ANKRD11: variants seen among roughly 807,000 people sequenced by gnomAD.
ANKRD11 encodes the protein ankyrin repeat domain-containing protein 11.
Under a neutral mutation model 195.7 loss-of-function variants are expected in ANKRD11, and 17 were observed. The ratio of observed to expected loss-of-function variants is 0.09; its 90% confidence interval spans 0.06 to 0.13. The LOEUF is 0.13. Among genes scored for constraint, ANKRD11 ranks in the 10% least tolerant of loss-of-function variants. The probability of loss-of-function intolerance (pLI) is 1.00; values close to 1 mark genes in which losing one functional copy is unlikely to be tolerated. For missense variants in ANKRD11, 3,735 were observed against 3,566.1 expected (o/e 1.05, Z -1.21); for synonymous variants, 1,953 against 1,528.1 (o/e 1.28, Z -6.49).
chr16:89,354,988 G>C (rs1442359889), intron 2 of ANKRD11, among the ~76,000 whole-genome samples: 6 of 152,286 alleles, frequency 3.9e-5, no homozygotes, highest in Middle Eastern at 3.4e-3. Context: ...CCAAGTCCCA[G>C]GAAATGCACA....
At chr16:89,422,055 TC>T (rs1205299371) in intron 1 of ANKRD11, 3 of 152,146 alleles carry the variant, frequency 2.0e-5, no homozygotes, top group African/African-American at 7.2e-5. Flanking sequence ...CTCTTACCAC[TC>T]TGGACTCCTT....
intron 2 of ANKRD11, among the ~76,000 whole-genome samples, chr16:89,391,533 T>C (rs1009739529): frequency 2.0e-5 from 3 of 152,232 alleles, no homozygotes; most frequent in Admixed American, 6.5e-5. Flanking sequence ...TTTTCTGTGT[T>C]GACTGTCGCT....
intron 2 of ANKRD11, among the ~76,000 whole-genome samples, chr16:89,381,814 T>TG (rs1043522608): frequency 6.6e-6 from 1 of 152,032 alleles, no homozygotes; most frequent in African/African-American, 2.4e-5. Context: ...CCCACGCGAA[T>TG]GGGGGGAAGA....
At chr16:89,311,991 G>A (rs977587385) in intron 3 of ANKRD11, among the ~76,000 whole-genome samples, 3 of 152,152 alleles carry the variant, frequency 2.0e-5, no homozygotes, top group African/African-American at 4.8e-5. Context: ...CATGCCTCCC[G>A]GGTTCAAGCA....
chr16:89,332,665 A>G (rs2038127300), intron 2 of ANKRD11, among the ~76,000 whole-genome samples: 1 of 152,202 alleles, frequency 6.6e-6, no homozygotes, highest in Non-Finnish European at 1.5e-5. Flanking sequence ...CGACAAACAC[A>G]ACGAGAGAGG....
At chr16:89,315,775 AAAG>A (rs2036917331) in intron 3 of ANKRD11, among the ~76,000 whole-genome samples, 1 of 152,142 alleles carries the variant, frequency 6.6e-6, no homozygotes, top group Admixed American at 6.5e-5. Context: ...GATTCACCAA[AAAG>A]AAGTGGACTG....
intron 1 of ANKRD11, among the ~76,000 whole-genome samples, chr16:89,467,652 C>A (rs1003959310): frequency 8.5e-5 from 13 of 152,114 alleles, no homozygotes; most frequent in African/African-American, 3.1e-4. Flanking sequence ...GGCGTTGCAT[C>A]TGACCCTGTA....
chr16:89,410,223 G>A (rs916267318), intron 2 of ANKRD11, among the ~76,000 whole-genome samples: 1 of 152,170 alleles, frequency 6.6e-6, no homozygotes, highest in Non-Finnish European at 1.5e-5. Context: ...TGCCAACCCG[G>A]TGGGTACGGC....
At chr16:89,477,188 T>C (rs1223755563) in intron 1 of ANKRD11, among the ~76,000 whole-genome samples, 1 of 151,010 alleles carries the variant, frequency 6.6e-6, no homozygotes, top group Non-Finnish European at 1.5e-5. Context: ...CTTTAAGTCA[T>C]TTCCCCTTTT....
rs2034234357 is a variant in ANKRD11, at chr16:89,281,428, G to A, written c.5114C>T (p.Thr1705Ile). Reference protein sequence around the residue: ...PDQSRPTGVPTPTSVLSCPSY... With the variant: ...PDQSRPTGVPIPTSVLSCPSY... ...GGGGCAGGATAGCACCGACGTAGGG[G>A]TGGGCACGCCAGTGGGCCGGCTCTG... The change falls in exon 9 of 13, where the codon ACC becomes ATC. Residue 1705 changes from threonine to isoleucine, a missense_variant. Thr to Ile is a moderately conservative substitution (Grantham distance 89). Coordinates refer to ENST00000301030, the MANE Select transcript of ANKRD11 (RefSeq NM_013275.6). The surrounding 1 kb of genome is among the most constrained non-coding windows in gnomAD (Gnocchi z 5.5). 6.2e-7 allele frequency: 1 copy of A among 1,612,854 alleles called. No individual in the cohort carries two copies. The highest frequency in any genetic ancestry group is 1.3e-5 in the African/African-American group (1 of 74,988).
intron 2 of ANKRD11, among the ~76,000 whole-genome samples, chr16:89,330,499 C>A (rs182502562): frequency 6.8e-4 from 104 of 152,038 alleles, no homozygotes; most frequent in Non-Finnish European, 1.3e-3. Context: ...CGTGGGGCTA[C>A]GTGAGGGTCC....
chr16:89,357,839 GTAC>G (rs763197880), intron 2 of ANKRD11, among the ~76,000 whole-genome samples: 15 of 152,228 alleles, frequency 9.9e-5, no homozygotes, highest in Non-Finnish European at 1.9e-4. Context: ...GCTGCTGAAG[GTAC>G]TGGAAGCCAG....
intron 2 of ANKRD11, among the ~76,000 whole-genome samples, chr16:89,350,609 A>T (rs2039166033): frequency 6.6e-6 from 1 of 152,218 alleles, no homozygotes. Context: ...ACAGTGACCG[A>T]AAGCACATCA....
At chr16:89,357,526 T>C (rs76020896) in intron 2 of ANKRD11, among the ~76,000 whole-genome samples, 1,841 of 152,214 alleles carry the variant, frequency 0.012, 34 homozygotes, top group African/African-American at 0.042. Flanking sequence ...TGGGTAGATA[T>C]ACAAAAGAAC....
chr16:89,293,328 G>A (rs72803310), intron 4 of ANKRD11, among the ~76,000 whole-genome samples: 5,154 of 152,252 alleles, frequency 0.034, 156 homozygotes, highest in East Asian at 0.063. Flanking sequence ...ACCATCAGAA[G>A]TGAAAAGCGA....
intron 1 of ANKRD11, among the ~76,000 whole-genome samples, chr16:89,478,035 T>G (rs1044370651): frequency 6.6e-6 from 1 of 152,230 alleles, no homozygotes; most frequent in Non-Finnish European, 1.5e-5. Flanking sequence ...CAATTTATTA[T>G]GGCTTCAAAA....
chr16:89,348,379 T>C (rs1033766746), intron 2 of ANKRD11, among the ~76,000 whole-genome samples: 1 of 152,240 alleles, frequency 6.6e-6, no homozygotes, highest in African/African-American at 2.4e-5. Context: ...GAGGTATCGC[T>C]ATCCTTTCTA....
At chr16:89,443,028 T>G (rs1008522967) in intron 1 of ANKRD11, among the ~76,000 whole-genome samples, 7 of 152,372 alleles carry the variant, frequency 4.6e-5, no homozygotes, top group Non-Finnish European at 8.8e-5. Flanking sequence ...AATCTCGCTC[T>G]GTCATCCAGA....
chr16:89,358,530 C>G (rs1053961194), intron 2 of ANKRD11, among the ~76,000 whole-genome samples: 1 of 152,206 alleles, frequency 6.6e-6, no homozygotes, highest in African/African-American at 2.4e-5. Flanking sequence ...ATCATCACTA[C>G]GCATTGCATG....
Sources: allele counts gnomAD v4.1 joint callset (sites outside exome capture counted in the v4.1 genomes callset), GRCh38; gene constraint gnomAD v4.1.1; non-coding constraint Gnocchi (gnomAD v3.1); transcripts MANE v1.5; gene names NCBI Gene and HGNC (gene_info 2026-07-23, HGNC 2026-07-21).